Variants in STIM1 observed in about 807,000 individuals in gnomAD.
STIM1 encodes the protein stromal interaction molecule 1.
STIM1 carries 25 observed loss-of-function variants against 74.7 expected under a neutral mutation model. The observed-to-expected ratio is 0.33, with a 90% CI of 0.24 to 0.47. The LOEUF (loss-of-function observed/expected upper bound fraction) is 0.47. Among genes scored for constraint, STIM1 ranks in the 20% least tolerant of loss-of-function variants. The pLI, the probability that STIM1 is intolerant of heterozygous loss-of-function variation, is 1.00. For missense variants in STIM1, 728 were observed against 920.8 expected (o/e 0.79, Z 2.71); for synonymous variants, 328 against 348.8 (o/e 0.94, Z 0.66).
chr11:3,917,902 C>T (rs1396166698), intron 1 of STIM1, among the ~76,000 whole-genome samples: 3 of 152,202 alleles, frequency 2.0e-5, no homozygotes, highest in South Asian at 2.1e-4. Context: ...TTGAGGCTTA[C>T]TGACTAGATA....
chr11:3,969,767 A>T (rs1328293323), intron 2 of STIM1, among the ~76,000 whole-genome samples: 1 of 152,200 alleles, frequency 6.6e-6, no homozygotes, highest in Admixed American at 6.5e-5. Context: ...TTGGAAAGGA[A>T]AGTGGGGCCC....
At chr11:3,987,731 C>A (rs960897847) in intron 2 of STIM1, among the ~76,000 whole-genome samples, 2 of 152,086 alleles carry the variant, frequency 1.3e-5, no homozygotes, top group African/African-American at 4.8e-5. Flanking sequence ...TTCTGGAACT[C>A]CCAATGCCTG....
upstream of STIM1, chr11:3,855,620 C>T (rs1313222120): frequency 6.9e-6 from 1 of 145,434 alleles, no homozygotes; most frequent in East Asian, 2.1e-4. Flanking sequence ...GAGACGCACG[C>T]CCCCGCCCGC....
intron 1 of STIM1, among the ~76,000 whole-genome samples, chr11:3,903,013 C>T (rs973407230): frequency 2.6e-5 from 4 of 152,184 alleles, no homozygotes; most frequent in Non-Finnish European, 4.4e-5. Flanking sequence ...TAAGTTCTTA[C>T]CATGTGCCAG....
chr11:4,046,046 A>G (rs1478881537), intron 3 of STIM1, among the ~76,000 whole-genome samples: 1 of 137,608 alleles, frequency 7.3e-6, no homozygotes, highest in Non-Finnish European at 1.5e-5. Flanking sequence ...CTGGGATTAC[A>G]GGCGTGAGCT....
At chr11:4,000,659 A>C (rs2135904275) in intron 2 of STIM1, among the ~76,000 whole-genome samples, 2 of 152,328 alleles carry the variant, frequency 1.3e-5, no homozygotes, top group East Asian at 3.9e-4. Context: ...AAAAACTGGA[A>C]ACTCTAAAAA....
rs183371499 is a variant in STIM1, at chr11:3,895,215, G to A, written c.139+38806G>A. On this transcript the variant is annotated intron_variant, in intron 1 of 12. Coordinates refer to ENST00000526596, the MANE Select transcript of STIM1 (RefSeq NM_001382567.1). ...ACAGGCAAACAGGGCAGGGGAGCAA[G>A]GCCTTAATTACTTAGGGACTCCTGG... Among the ~76,000 whole-genome samples, 5 of 152,274 alleles carry A rather than the reference G, an allele frequency of 3.3e-5. No individual in the cohort carries two copies. In the East Asian group the frequency reaches 9.7e-4, roughly 29 times the overall value.
At chr11:3,936,362 C>G (rs2092931087) in intron 1 of STIM1, among the ~76,000 whole-genome samples, 1 of 152,172 alleles carries the variant, frequency 6.6e-6, no homozygotes, top group Admixed American at 6.5e-5. Flanking sequence ...CATAGACTTA[C>G]AATCTAAGCA....
At chr11:3,936,284 C>T (rs1332526400) in intron 1 of STIM1, among the ~76,000 whole-genome samples, 1 of 152,218 alleles carries the variant, frequency 6.6e-6, no homozygotes, top group East Asian at 1.9e-4. Flanking sequence ...TACCTTTCAT[C>T]TCTCAATTTG....
chr11:3,984,233 A>AT (rs1431871895), intron 2 of STIM1, among the ~76,000 whole-genome samples: 4 of 151,974 alleles, frequency 2.6e-5, no homozygotes, highest in African/African-American at 4.8e-5. Flanking sequence ...TGGTATATAT[A>AT]TTTTTTGCTA....
chr11:4,070,055 A>G lies in STIM1; in HGVS notation c.643A>G (p.Met215Val). The change falls in exon 6 of 13, where the codon ATG (methionine) becomes GTG (valine). Residue 215 changes from methionine (M) to valine (V), a missense_variant. By Grantham distance (21) the Met-to-Val change is conservative. Coordinates refer to ENST00000526596, the MANE Select transcript of STIM1 (RefSeq NM_001382567.1). ...LTRHNHLKDF[M>V]LVVSIVIGVG... Reference sequence around the variant, plus strand: ...TCGCCATAATCACCTCAAGGACTTCATGCTGGTGGTGTCTATCGTTATTGG... The same window carrying G: ...TCGCCATAATCACCTCAAGGACTTCGTGCTGGTGGTGTCTATCGTTATTGG... 1.2e-6 allele frequency: 2 copies of G among 1,614,112 alleles called. No homozygotes were observed. The highest frequency in any genetic ancestry group is 1.7e-6 in the Non-Finnish European group (2 of 1,179,998).
chr11:4,079,363 C>T (rs901633561), intron 7 of STIM1, among the ~76,000 whole-genome samples: 5 of 151,498 alleles, frequency 3.3e-5, no homozygotes, highest in Non-Finnish European at 7.4e-5. Flanking sequence ...CACCTGAGGT[C>T]AGGAGTTCGA....
intron 1 of STIM1, among the ~76,000 whole-genome samples, chr11:3,937,071 C>T (rs925186866): frequency 1.3e-5 from 2 of 151,686 alleles, no homozygotes; most frequent in South Asian, 2.1e-4. Context: ...TTTGGGAGGC[C>T]GAGGAGTCCA....
At chr11:4,047,980 C>T (rs189339561) in intron 3 of STIM1, among the ~76,000 whole-genome samples, 90 of 152,066 alleles carry the variant, frequency 5.9e-4, no homozygotes, top group African/African-American at 1.9e-3. Flanking sequence ...CACCACGCCC[C>T]GCTAATTTTT....
chr11:3,955,470 G>A (rs986107304), intron 1 of STIM1, among the ~76,000 whole-genome samples: 1 of 152,160 alleles, frequency 6.6e-6, no homozygotes, highest in Admixed American at 6.5e-5. Context: ...TTACTGTGGG[G>A]TATGGTTACT....
rs965474759 is a variant in STIM1 at position 3,857,418 on chromosome 11, CT to C, written c.139+1018del. Among the ~76,000 whole-genome samples, 68 of 151,124 alleles carry C rather than the reference CT, an allele frequency of 4.5e-4. 2 individuals carry two copies. The highest frequency in any genetic ancestry group is 2.1e-4 in the South Asian group (1 of 4,766). ...CACAAGAGCCACTGGGCCTGGCTAA[CT>C]TTTTTTTTCTTTCTATTTTTAATTT... On this transcript the variant is annotated intron_variant, in intron 1 of 12. Transcript: ENST00000526596.
At position 4,028,690 on chromosome 11, in the gene STIM1, G is replaced by A. The variant is rs951363044; in HGVS notation, c.385+4703G>A. Among the ~76,000 whole-genome samples the A allele has an allele frequency of 2.0e-5, 3 of 152,026 alleles. No homozygotes were observed. In the South Asian group the frequency reaches 6.2e-4, roughly 32 times the overall value. ...CTTCCAAAGTTCTAGGATTACAGGC[G>A]TGAGCCACCACACTTGGCCAGTATT... On this transcript the variant is annotated intron_variant, in intron 3 of 12. Coordinates refer to ENST00000526596, the MANE Select transcript of STIM1 (RefSeq NM_001382567.1).
intron 1 of STIM1, among the ~76,000 whole-genome samples, chr11:3,924,242 A>C: frequency 7.3e-6 from 1 of 137,752 alleles, no homozygotes; most frequent in African/African-American, 2.8e-5. Flanking sequence ...TCTGTCACCC[A>C]GTCTGGAGTG....
chr11:4,058,293 A>G (rs2094306328), intron 4 of STIM1, among the ~76,000 whole-genome samples: 1 of 152,120 alleles, frequency 6.6e-6, no homozygotes, highest in South Asian at 2.1e-4. Context: ...AGATCTCCTA[A>G]CCACTCCCAC....
Sources: gnomAD v4.1 joint callset for allele counts (sites outside exome capture counted in the v4.1 genomes callset) on GRCh38, gnomAD v4.1.1 for gene constraint, MANE v1.5 for transcripts, NCBI Gene and HGNC (gene_info 2026-07-23, HGNC 2026-07-21) for gene names.